The following STARD13 variants were observed in gnomAD, a reference collection of about 807,000 sequenced individuals.
STARD13 encodes stAR-related lipid transfer protein 13.
In STARD13, 62 loss-of-function variants were observed where a neutral mutation model predicts 106.4. The ratio of observed to expected loss-of-function variants is 0.58; its 90% confidence interval spans 0.48 to 0.72. STARD13 has a LOEUF of 0.72. Among genes scored for constraint, STARD13 ranks in the 30% least tolerant of loss-of-function variants. The probability of loss-of-function intolerance (pLI) is 0.00; values close to 1 mark genes in which losing one functional copy is unlikely to be tolerated. For synonymous variants in STARD13, 565 were observed against 553.0 expected (o/e 1.02, Z -0.31); for missense variants, 1,387 against 1,424.0 (o/e 0.97, Z 0.42).
chr13:33,295,842 T>C (rs981275651), intron 1 of STARD13, among the ~76,000 whole-genome samples: 19 of 152,032 alleles, frequency 1.2e-4, no homozygotes, highest in Admixed American at 2.0e-4. Flanking sequence ...AAGATGCCCA[T>C]GAAGAGAAAA....
the STARD13 span, among the ~76,000 whole-genome samples, chr13:33,542,701 G>T: frequency 3.8e-4 from 58 of 152,364 alleles, 1 homozygote; most frequent in South Asian, 0.012. Context: ...CCCTCCAGAA[G>T]TCTTAATATC....
chr13:33,509,359 C>T, the STARD13 span, among the ~76,000 whole-genome samples: 2 of 152,154 alleles, frequency 1.3e-5, no homozygotes, highest in Non-Finnish European at 2.9e-5. Flanking sequence ...GTGTAAATCT[C>T]TGCCCCATGC....
the STARD13 span, among the ~76,000 whole-genome samples, chr13:33,519,804 G>A: frequency 6.6e-5 from 10 of 152,070 alleles, no homozygotes; most frequent in African/African-American, 2.2e-4. Flanking sequence ...CTTTTTGTAA[G>A]AGATGAGGTA....
At chr13:33,619,728 G>A in the STARD13 span, among the ~76,000 whole-genome samples, 1 of 152,080 alleles carries the variant, frequency 6.6e-6, no homozygotes. Flanking sequence ...TCAATAAGAA[G>A]ATAGATTTGA....
Position 33,167,700 on chromosome 13 carries a change from C to T in STARD13, c.170-78G>A. On this transcript the variant is annotated intron_variant, in intron 1 of 13. Transcript: ENST00000336934. ...CTCTGCCTTCTTAATCATGGAGACA[C>T]TGGTGAGCTTTGTGCAAGTTATTAC... 4 of 1,428,384 alleles carry T rather than the reference C, an allele frequency of 2.8e-6. No homozygotes were observed. The South Asian group carries it at 3.5e-5, about 12-fold the overall frequency. 88.5% of individuals were successfully genotyped at this position (1,428,384 alleles called of 1,614,324 possible).
At chr13:33,503,236 A>G in the STARD13 span, among the ~76,000 whole-genome samples, 1 of 152,052 alleles carries the variant, frequency 6.6e-6, no homozygotes, top group East Asian at 1.9e-4. Context: ...TATCCCCTTT[A>G]TCATTTTTTA....
intron 3 of STARD13, among the ~76,000 whole-genome samples, chr13:33,151,197 G>A (rs1384135625): frequency 6.6e-6 from 1 of 152,100 alleles, no homozygotes; most frequent in Non-Finnish European, 1.5e-5. Context: ...ATGAAAAGGG[G>A]TGTTAGTCTG....
the STARD13 span, among the ~76,000 whole-genome samples, chr13:33,390,431 C>T: frequency 6.6e-6 from 1 of 152,164 alleles, no homozygotes; most frequent in Admixed American, 6.5e-5. Flanking sequence ...GAACAAGTTA[C>T]TAGGAATTCC....
intron 1 of STARD13, among the ~76,000 whole-genome samples, chr13:33,187,154 C>T (rs1418082154): frequency 1.3e-5 from 2 of 152,170 alleles, no homozygotes; most frequent in Non-Finnish European, 2.9e-5. Context: ...GCTTAACTTC[C>T]GTTTCTGTTT....
chr13:33,586,456 G>C, the STARD13 span, among the ~76,000 whole-genome samples: 3 of 152,132 alleles, frequency 2.0e-5, no homozygotes, highest in African/African-American at 7.2e-5. Context: ...TGACATTCTT[G>C]ATACATGGCC....
chr13:33,394,287 A>G, the STARD13 span, among the ~76,000 whole-genome samples: 1 of 151,952 alleles, frequency 6.6e-6, no homozygotes, highest in Non-Finnish European at 1.5e-5. Context: ...CCAGAATTGC[A>G]CTGTTCAGTG....
At chr13:33,197,416 TTGTGTGTGTGTG>T (rs142681141) in intron 1 of STARD13, among the ~76,000 whole-genome samples, 1 of 148,024 alleles carries the variant, frequency 6.8e-6, no homozygotes, top group South Asian at 2.2e-4. Flanking sequence ...AGGAAGAGAG[TTGTGTGTGTGTG>T]TGTGTGTGTG....
chr13:33,411,532 C>T, the STARD13 span, among the ~76,000 whole-genome samples: 1 of 150,668 alleles, frequency 6.6e-6, no homozygotes, highest in Non-Finnish European at 1.5e-5. Flanking sequence ...GCTGCTGTTC[C>T]CAAGAAACAA....
chr13:33,545,006 G>A, the STARD13 span, among the ~76,000 whole-genome samples: 14 of 151,310 alleles, frequency 9.3e-5, no homozygotes, highest in African/African-American at 3.2e-4. Flanking sequence ...CCCAGGCTGG[G>A]GTGCAATGGT....
the STARD13 span, among the ~76,000 whole-genome samples, chr13:33,665,399 G>A: frequency 2.6e-5 from 4 of 152,074 alleles, no homozygotes; most frequent in Non-Finnish European, 5.9e-5. Flanking sequence ...TAGAACATAA[G>A]AAAAAACAAT....
the STARD13 span, among the ~76,000 whole-genome samples, chr13:33,362,734 C>T: frequency 1.3e-5 from 2 of 152,316 alleles, no homozygotes; most frequent in Admixed American, 6.5e-5. Flanking sequence ...ATTTTATGAT[C>T]AAACTTCACT....
chr13:33,589,788 G>T, the STARD13 span, among the ~76,000 whole-genome samples: 2 of 152,146 alleles, frequency 1.3e-5, no homozygotes, highest in African/African-American at 4.8e-5. Flanking sequence ...GATTTGGGGT[G>T]GAGAGCTCTG....
intron 1 of STARD13, among the ~76,000 whole-genome samples, chr13:33,228,791 T>A (rs1429852632): frequency 2.0e-5 from 3 of 152,208 alleles, no homozygotes; most frequent in African/African-American, 7.2e-5. Context: ...TAGAGTCTGA[T>A]AACCAAAAAG....
At chr13:33,608,760 G>A in the STARD13 span, among the ~76,000 whole-genome samples, 2 of 152,116 alleles carry the variant, frequency 1.3e-5, no homozygotes, top group Non-Finnish European at 2.9e-5. Flanking sequence ...AGTGAAGCAT[G>A]GAGAAATCTT....
Sources: gnomAD v4.1 joint callset for allele counts (sites outside exome capture counted in the v4.1 genomes callset) on GRCh38, gnomAD v4.1.1 for gene constraint, MANE v1.5 for transcripts, NCBI Gene and HGNC (gene_info 2026-07-23, HGNC 2026-07-21) for gene names.